EEA1: variants seen among roughly 807,000 people sequenced by gnomAD.
The protein encoded by EEA1 is early endosome antigen 1.
Under a neutral mutation model 209.2 loss-of-function variants are expected in EEA1, and 111 were observed. The ratio of observed to expected loss-of-function variants is 0.53; its 90% CI spans 0.45 to 0.62. The LOEUF (loss-of-function observed/expected upper bound fraction) is 0.62. Among genes scored for constraint, EEA1 ranks in the 20% least tolerant of loss-of-function variants. EEA1 has a pLI of 0.00. For missense variants in EEA1, 1,343 were observed against 1,530.8 expected (o/e 0.88, Z 2.05); for synonymous variants, 536 against 540.6 (o/e 0.99, Z 0.12).
At chr12:92,865,414 A>G (rs1878338784) in intron 2 of EEA1, among the ~76,000 whole-genome samples, 1 of 152,022 alleles carries the variant, frequency 6.6e-6, no homozygotes, top group Non-Finnish European at 1.5e-5. Context: ...CTGAGGGGGA[A>G]AAAAAGTAAT....
chr12:92,807,773 A>G (rs1875286451), intron 18 of EEA1, among the ~76,000 whole-genome samples: 1 of 152,152 alleles, frequency 6.6e-6, no homozygotes, highest in African/African-American at 2.4e-5. Flanking sequence ...GAAATTAAAG[A>G]AGGCCCAAGT....
At chr12:92,897,719 G>T (rs1378192195) in intron 1 of EEA1, among the ~76,000 whole-genome samples, 1 of 152,146 alleles carries the variant, frequency 6.6e-6, no homozygotes, top group Non-Finnish European at 1.5e-5. Flanking sequence ...GGAAGGCTGA[G>T]GCAGGAGGAT....
At chr12:92,819,881 G>C (rs1322689108) in intron 13 of EEA1, among the ~76,000 whole-genome samples, 1 of 151,914 alleles carries the variant, frequency 6.6e-6, no homozygotes, top group Non-Finnish European at 1.5e-5. Flanking sequence ...CTTTTGCCTG[G>C]AACTCTTCCC....
At chr12:92,881,400 G>A (rs1879136245) in intron 2 of EEA1, among the ~76,000 whole-genome samples, 2 of 151,994 alleles carry the variant, frequency 1.3e-5, no homozygotes, top group Non-Finnish European at 2.9e-5. Flanking sequence ...AGAGTGAGAT[G>A]GAGAGGAGGA....
At position 92,858,450 on chromosome 12, in the gene EEA1, G is replaced by A. The variant is rs3782350; in HGVS notation, c.246-965C>T. 211 of 1,213,418 alleles carry A rather than the reference G, an allele frequency of 1.7e-4. 2 individuals are homozygous for A. In the East Asian group the frequency reaches 4.6e-3, roughly 26 times the overall value. 75.2% of individuals were successfully genotyped at this position (1,213,418 alleles called of 1,614,324 possible). ...AGATATTTCTGAAGGTGTTCATCTT[G>A]ACAGAAATGAAGAAGACATTGGTGT... On this transcript the variant is annotated intron_variant, in intron 3 of 28. Transcript: ENST00000322349.
At chr12:92,804,339 A>G (rs1233847434) in intron 18 of EEA1, among the ~76,000 whole-genome samples, 1 of 152,078 alleles carries the variant, frequency 6.6e-6, no homozygotes, top group Non-Finnish European at 1.5e-5. Flanking sequence ...GTGGGAGGCC[A>G]AGGTGGGCGG....
At chr12:92,907,512 T>G (rs1880426081) in intron 1 of EEA1, among the ~76,000 whole-genome samples, 1 of 152,160 alleles carries the variant, frequency 6.6e-6, no homozygotes, top group South Asian at 2.1e-4. Flanking sequence ...AACTGCCCAC[T>G]TAAATTTTGA....
At chr12:92,884,377 C>T (rs991504319) in intron 2 of EEA1, 81 of 1,236,570 alleles carry the variant, frequency 6.6e-5, no homozygotes, top group Non-Finnish European at 8.4e-5. Context: ...GAAACTTTGG[C>T]GGTGGTCGTG....
intron 10 of EEA1, among the ~76,000 whole-genome samples, chr12:92,840,159 C>T (rs567760056): frequency 2.6e-5 from 4 of 151,944 alleles, no homozygotes; most frequent in East Asian, 3.9e-4. Context: ...TTATATTTCA[C>T]GAAAATGTTA....
Position 92,816,293 on chromosome 12 carries a change from T to G in EEA1, c.1836A>C (p.Ala612=). The G allele has an allele frequency of 6.2e-7, 1 of 1,614,068 alleles. No homozygotes were observed. ...VQEQKAHLRA[A]QDRVLSLETS... ...TTTCTAGGGAAAGGACACGGTCTTG[T>G]GCAGCTCTAAGATGTGCCTTCTGCT... Residue 612 remains alanine (A), a synonymous_variant, in exon 15 of 29, where the codon GCA becomes GCC. Transcript: ENST00000322349.
Position 92,819,462 on chromosome 12 carries a change from A to T in EEA1, c.1574T>A (p.Ile525Asn). Residue 525 changes from isoleucine to asparagine, a missense_variant, in exon 14 of 29, where the codon ATC becomes AAC. By Grantham distance (149) the Ile-to-Asn change is moderately radical. Transcript: ENST00000322349. ...LRQIGDKDQK[I>N]QNLEALLQKS... ...CTGTAATAAAGCTTCAAGGTTCTGG[A>T]TCTTTTGGTCCTTATCGCCAATTTG... is the stretch of plus-strand genomic sequence containing the variant. The T allele has an allele frequency of 6.2e-7, 1 of 1,610,678 alleles. No individual in the cohort carries two copies.
At chr12:92,872,580 T>A (rs80128606) in intron 2 of EEA1, among the ~76,000 whole-genome samples, 12,622 of 152,300 alleles carry the variant, frequency 0.083, 611 homozygotes, top group Non-Finnish European at 0.098. Context: ...AAATTACATA[T>A]ACCTAACAAT....
Position 92,781,937 on chromosome 12 carries a change from A to C in EEA1, c.3336+13T>G. The C allele has an allele frequency of 6.3e-7, 1 of 1,595,304 alleles. No homozygotes were observed. Among genetic ancestry groups the C allele is most frequent in the Non-Finnish European group, 8.6e-7 (1 of 1,168,570 alleles). On this transcript the variant is annotated intron_variant, in intron 23 of 28. Coordinates refer to ENST00000322349, the MANE Select transcript of EEA1 (RefSeq NM_003566.4). ...CTCTAAGATTGTAGATTTAGGTCAG[A>C]AACATGCAATACCTTTTCTTTCTGA...
chr12:92,879,386 C>G (rs1565847266), intron 2 of EEA1: 2 of 446,148 alleles, frequency 4.5e-6, no homozygotes, highest in African/African-American at 2.0e-5. Context: ...AGTAACAACA[C>G]AGCAAGACCA....
At chr12:92,802,368 C>A (rs1163275663) in intron 19 of EEA1, 36 bp downstream of exon 19, 3 of 1,493,580 alleles carry the variant, frequency 2.0e-6, no homozygotes, top group African/African-American at 1.4e-5. Flanking sequence ...ATAAAATAAT[C>A]ACTTCTACCT....
intron 1 of EEA1, among the ~76,000 whole-genome samples, chr12:92,892,818 C>T (rs1203380536): frequency 2.6e-5 from 4 of 152,044 alleles, no homozygotes; most frequent in Admixed American, 1.3e-4. Flanking sequence ...TTAGTGGAAA[C>T]GGGGTTTCAC....
intron 2 of EEA1, among the ~76,000 whole-genome samples, chr12:92,880,789 G>C (rs1037376188): frequency 6.6e-6 from 1 of 152,024 alleles, no homozygotes. Flanking sequence ...TTTTAAAATA[G>C]GCATTTCCAA....
At chr12:92,845,717 A>G (rs1382219100) in intron 9 of EEA1, among the ~76,000 whole-genome samples, 2 of 152,126 alleles carry the variant, frequency 1.3e-5, no homozygotes, top group East Asian at 3.8e-4. Context: ...CTAGCTTTCT[A>G]TCATGATTCA....
In EEA1 at chr12:92,787,728, C is replaced by T. The variant is rs1874194410; in HGVS notation, c.3150+139G>A. 4 of 673,714 alleles carry T rather than the reference C, an allele frequency of 5.9e-6. No homozygotes were observed. In the South Asian group the frequency reaches 2.1e-4, roughly 36 times the overall value. 41.7% of individuals were successfully genotyped at this position (673,714 alleles called of 1,614,324 possible). A position where few individuals can be genotyped will look rare whatever the true frequency, so the allele number is the denominator to read the frequency against. On this transcript the variant is annotated intron_variant, in intron 22 of 28. Transcript: ENST00000322349. Reference sequence around the variant, plus strand: ...AACAATTTTTTAAAGCATGCTAATACAAAATAACAATTTAATAGAAAACAG... The same window carrying T: ...AACAATTTTTTAAAGCATGCTAATATAAAATAACAATTTAATAGAAAACAG...
Sources: allele counts gnomAD v4.1 joint callset (sites outside exome capture counted in the v4.1 genomes callset), GRCh38; gene constraint gnomAD v4.1.1; transcripts MANE v1.5; gene names NCBI Gene and HGNC (gene_info 2026-07-23, HGNC 2026-07-21).